NPAS2: variants seen among roughly 807,000 people sequenced by gnomAD.
NPAS2 encodes the protein neuronal PAS domain protein 2.
Under a neutral mutation model 107.5 loss-of-function variants are expected in NPAS2, and 23 were observed. The ratio of observed to expected loss-of-function variants is 0.21; its 90% CI spans 0.15 to 0.30. The LOEUF is 0.30. Among genes scored for constraint, NPAS2 ranks in the 10% least tolerant of loss-of-function variants. The pLI is 1.00. For synonymous variants in NPAS2, 403 were observed against 417.5 expected (o/e 0.97, Z 0.42); for missense variants, 756 against 1,043.3 (o/e 0.72, Z 3.79).
chr2:100,835,496 G>A (rs755247387), intron 1 of NPAS2, among the ~76,000 whole-genome samples: 10 of 152,168 alleles, frequency 6.6e-5, no homozygotes, highest in African/African-American at 1.2e-4. Flanking sequence ...AGGAGGCTGC[G>A]TGTGAAAGGG....
intron 7 of NPAS2, among the ~76,000 whole-genome samples, chr2:100,963,698 G>A (rs1352199306): frequency 6.6e-6 from 1 of 152,234 alleles, no homozygotes; most frequent in African/African-American, 2.4e-5. Flanking sequence ...TTACAGGCGT[G>A]AGCCACTGTG....
intron 3 of NPAS2, among the ~76,000 whole-genome samples, chr2:100,930,885 T>C (rs1366957342): frequency 6.6e-6 from 1 of 152,222 alleles, no homozygotes; most frequent in Non-Finnish European, 1.5e-5. Context: ...AGTTAGTCTA[T>C]AGTTTGATCC....
intron 7 of NPAS2, among the ~76,000 whole-genome samples, chr2:100,952,659 C>T (rs1247132883): frequency 6.6e-6 from 1 of 152,056 alleles, no homozygotes; most frequent in Non-Finnish European, 1.5e-5. Context: ...TCCATGATCT[C>T]ATTAAGATGC....
At chr2:100,959,254 A>G (rs60560747) in intron 7 of NPAS2, among the ~76,000 whole-genome samples, 6,935 of 148,668 alleles carry the variant, frequency 0.047, 499 homozygotes, top group African/African-American at 0.15. Flanking sequence ...TGGGCAAAGA[A>G]GGAGACCCTG....
intron 16 of NPAS2, chr2:100,983,664 C>G (rs1400304948): frequency 6.6e-6 from 1 of 152,376 alleles, no homozygotes; most frequent in Non-Finnish European, 1.5e-5. Context: ...GCTCTCCCCA[C>G]CTCCTCAGTG....
intron 3 of NPAS2, among the ~76,000 whole-genome samples, chr2:100,927,613 A>G (rs1304586877): frequency 6.6e-6 from 1 of 152,230 alleles, no homozygotes; most frequent in Non-Finnish European, 1.5e-5. Context: ...GGAACCATGA[A>G]TTATACACAT....
At chr2:100,922,370 TC>T (rs1409267659) in intron 2 of NPAS2, among the ~76,000 whole-genome samples, 1 of 151,952 alleles carries the variant, frequency 6.6e-6, no homozygotes, top group African/African-American at 2.4e-5. Flanking sequence ...TCACCTGAGG[TC>T]AGGAGTTCGA....
intron 7 of NPAS2, among the ~76,000 whole-genome samples, chr2:100,959,110 C>CTA (rs1675768692): frequency 1.4e-5 from 1 of 69,492 alleles, no homozygotes; most frequent in Admixed American, 1.3e-4. Flanking sequence ...AAAAAAAAAA[C>CTA]AAAACTAAAA....
chr2:100,839,784 A>C (rs1677281106), intron 1 of NPAS2, among the ~76,000 whole-genome samples: 1 of 152,132 alleles, frequency 6.6e-6, no homozygotes, highest in South Asian at 2.1e-4. Context: ...TATTTTTATC[A>C]AAAATTGCTG....
At chr2:100,887,039 A>G in intron 1 of NPAS2, among the ~76,000 whole-genome samples, 1 of 152,220 alleles carries the variant, frequency 6.6e-6, no homozygotes, top group East Asian at 1.9e-4. Context: ...GGCTCTAAAT[A>G]TACATAACTG....
At chr2:100,914,018 A>G (rs1226977682) in intron 2 of NPAS2, among the ~76,000 whole-genome samples, 1 of 152,154 alleles carries the variant, frequency 6.6e-6, no homozygotes, top group African/African-American at 2.4e-5. Context: ...CTTGCACACT[A>G]AGTGTGCACA....
At chr2:100,884,779 A>AAG (rs1232111011) in intron 1 of NPAS2, among the ~76,000 whole-genome samples, 1 of 152,126 alleles carries the variant, frequency 6.6e-6, no homozygotes. Context: ...GACTCAAAGG[A>AAG]GTGATTTAGT....
chr2:100,983,848 CT>C (rs1359014392), intron 16 of NPAS2: 1 of 152,204 alleles, frequency 6.6e-6, no homozygotes, highest in Non-Finnish European at 1.5e-5. Flanking sequence ...CAATGCTTGC[CT>C]GACTCCAATT....
chr2:100,985,123 A>C (rs575792992), intron 16 of NPAS2: 1 of 152,196 alleles, frequency 6.6e-6, no homozygotes, highest in South Asian at 2.1e-4. Context: ...TCATCCATCC[A>C]TCTATCCATC....
intron 2 of NPAS2, among the ~76,000 whole-genome samples, chr2:100,905,366 C>A (rs1682080541): frequency 6.6e-6 from 1 of 151,738 alleles, no homozygotes; most frequent in Admixed American, 6.6e-5. Flanking sequence ...CATGTGAGAG[C>A]CCTGATAACC....
intron 1 of NPAS2, among the ~76,000 whole-genome samples, chr2:100,883,734 AAAACCTCATATTTAT>A (rs1680524727): frequency 6.6e-6 from 1 of 152,108 alleles, no homozygotes. Flanking sequence ...AGGTGGTTAT[AAAACCTCATATTTAT>A]ATGAGGTTTC....
intron 17 of NPAS2, chr2:100,988,716 GC>G: frequency 9.3e-6 from 3 of 322,130 alleles, no homozygotes; most frequent in Non-Finnish European, 1.2e-5. Context: ...TGCCCCAGGT[GC>G]CCCCTGCTCC....
At chr2:100,841,002 A>G (rs1482959580) in intron 1 of NPAS2, among the ~76,000 whole-genome samples, 1 of 152,120 alleles carries the variant, frequency 6.6e-6, no homozygotes, top group Non-Finnish European at 1.5e-5. Flanking sequence ...CAGGGTCTCC[A>G]TTCCTCCTCT....
chr2:100,878,173 C>T lies in NPAS2; in HGVS notation c.-22-26560C>T, dbSNP rs528534025. The T allele has an allele frequency of 1.6e-5, 16 of 985,342 alleles. No individual in the cohort carries two copies. The East Asian group carries it at 3.4e-4, about 21-fold the overall frequency. 61.0% of individuals were successfully genotyped at this position (985,342 alleles called of 1,614,324 possible). ...ACAGCCTCCAGGGACCAGGTCAGTG[C>T]GTGTGGCCGTGCAAGGAGCAGTGGC... On this transcript the variant is annotated intron_variant, in intron 1 of 20. Coordinates refer to ENST00000335681, the MANE Select transcript of NPAS2 (RefSeq NM_002518.4).
Sources: allele counts gnomAD v4.1 joint callset (sites outside exome capture counted in the v4.1 genomes callset), GRCh38; gene constraint gnomAD v4.1.1; transcripts MANE v1.5; gene names NCBI Gene and HGNC (gene_info 2026-07-23, HGNC 2026-07-21).